TRHDE: variants seen among roughly 807,000 people sequenced by gnomAD.
The protein encoded by TRHDE is thyrotropin releasing hormone degrading enzyme, also known as thyrotropin-releasing hormone-degrading ectoenzyme.
A neutral mutation model predicts 125.7 loss-of-function variants in TRHDE; 72 were observed. The ratio of observed to expected loss-of-function variants is 0.57; its 90% CI spans 0.47 to 0.70. TRHDE has a LOEUF of 0.70. TRHDE is among the 30% of genes least tolerant of loss of function. TRHDE has a pLI of 0.00. For missense variants in TRHDE, 1,110 were observed against 1,327.1 expected, an observed-to-expected ratio of 0.84 and a Z score of 2.54; for synonymous variants, 509 against 509.1, an observed-to-expected ratio of 1.00 and a Z score of 0.00.
chr12:72,098,340 A>G (rs1289622368), intron 1 of TRHDE, among the ~76,000 whole-genome samples: 1 of 152,160 alleles, frequency 6.6e-6, no homozygotes, highest in African/African-American at 2.4e-5. Flanking sequence ...AAATCTTGCA[A>G]AACTCTAGTA....
rs549142533 is a variant in TRHDE, at chr12:72,590,724, G to A, written c.2321+15182G>A. On this transcript the variant is annotated intron_variant, in intron 12 of 18. Transcript: ENST00000261180. Reference sequence around the variant, plus strand: ...ATCTCTGTATCTTTACACTCAAAATGCATGTTTATACAGCTTATAATTTAA... The same window carrying A: ...ATCTCTGTATCTTTACACTCAAAATACATGTTTATACAGCTTATAATTTAA... Among the ~76,000 whole-genome samples, 9 of 152,174 alleles carry A rather than the reference G, an allele frequency of 5.9e-5. No individual in the cohort carries two copies. The South Asian group carries it at 1.9e-3, about 32-fold the overall frequency.
intron 2 of TRHDE, among the ~76,000 whole-genome samples, chr12:72,216,695 CCAAA>C (rs537482609): frequency 3.0e-3 from 456 of 152,214 alleles, no homozygotes; most frequent in African/African-American, 0.01. Context: ...TGTTGTGTCA[CCAAA>C]CAAATATCAT....
rs1198685598 is a variant in TRHDE at position 72,383,717 on chromosome 12, G to GTTT, written c.1315+5610_1315+5612dup. The stretch of plus-strand genomic sequence containing the variant: ...ATTGCAGCTTTTTCTGGTAATTTCT[G>GTTT]TTTTTTTTTTTTTTTTCATTTTCCA... On this transcript the variant is annotated intron_variant, in intron 3 of 18. Transcript: ENST00000261180. Among the ~76,000 whole-genome samples the GTTT allele has an allele frequency of 5.8e-5, 7 of 120,720 alleles. No homozygotes were observed. The South Asian group carries it at 1.1e-3, about 19-fold the overall frequency. 79.2% of individuals were successfully genotyped at this position (120,720 alleles called of 152,430 possible). A position where few individuals can be genotyped will look rare whatever the true frequency, so the allele number is the denominator to read the frequency against.
chr12:72,152,820 G>A (rs1471239540), intron 2 of TRHDE, among the ~76,000 whole-genome samples: 2 of 152,092 alleles, frequency 1.3e-5, no homozygotes, highest in East Asian at 1.9e-4. Flanking sequence ...GAGGATTTTT[G>A]CATCAATGTT....
chr12:72,131,379 A>T (rs1379769862), intron 2 of TRHDE, among the ~76,000 whole-genome samples: 2 of 151,988 alleles, frequency 1.3e-5, no homozygotes, highest in South Asian at 2.1e-4. Context: ...GCCTCTACTT[A>T]ATGTATTTTA....
At chr12:72,528,173 T>C (rs954451668) in intron 6 of TRHDE, among the ~76,000 whole-genome samples, 2 of 152,236 alleles carry the variant, frequency 1.3e-5, no homozygotes, top group Non-Finnish European at 2.9e-5. Context: ...TAATTTGTAA[T>C]AATTCTGTTA....
intron 4 of TRHDE, among the ~76,000 whole-genome samples, chr12:72,472,011 C>G (rs965279079): frequency 1.3e-5 from 2 of 152,188 alleles, no homozygotes; most frequent in Non-Finnish European, 2.9e-5. Context: ...TTCTCCTTCC[C>G]AAGCCTTTCT....
intron 9 of TRHDE, among the ~76,000 whole-genome samples, chr12:72,566,329 A>C (rs968336748): frequency 1.3e-5 from 2 of 151,472 alleles, no homozygotes; most frequent in Non-Finnish European, 3.0e-5. Context: ...TTTTTTTTTT[A>C]AGTTTTAAAA....
At chr12:72,570,848 C>A (rs1338378709) in intron 10 of TRHDE, among the ~76,000 whole-genome samples, 1 of 152,164 alleles carries the variant, frequency 6.6e-6, no homozygotes, top group Non-Finnish European at 1.5e-5. Context: ...CAGGCCCTCA[C>A]CCCAAAGTTG....
intron 6 of TRHDE, among the ~76,000 whole-genome samples, chr12:72,539,836 T>C (rs1218745249): frequency 1.3e-5 from 2 of 151,812 alleles, no homozygotes; most frequent in Non-Finnish European, 2.9e-5. Context: ...AATTATTAAA[T>C]CTTGCAGAAA....
chr12:72,362,339 T>C (rs1440828631), intron 2 of TRHDE, among the ~76,000 whole-genome samples: 5 of 150,066 alleles, frequency 3.3e-5, no homozygotes, highest in East Asian at 2.0e-4. Flanking sequence ...TTTCATGTGT[T>C]TTTTGGCTGC....
At chr12:72,357,825 T>C (rs1870889931) in intron 2 of TRHDE, among the ~76,000 whole-genome samples, 1 of 151,636 alleles carries the variant, frequency 6.6e-6, no homozygotes, top group South Asian at 2.1e-4. Context: ...TACAACATCA[T>C]GTATACCTTA....
intron 1 of TRHDE, among the ~76,000 whole-genome samples, chr12:72,286,090 A>G (rs553845268): frequency 3.0e-4 from 45 of 152,224 alleles, no homozygotes; most frequent in Non-Finnish European, 5.1e-4. Flanking sequence ...AGCAATGACC[A>G]ACTACATCTT....
At chr12:72,364,985 G>A (rs1243069375) in intron 2 of TRHDE, among the ~76,000 whole-genome samples, 1 of 152,074 alleles carries the variant, frequency 6.6e-6, no homozygotes. Flanking sequence ...CTACAAAAGA[G>A]GTAGTCTGTT....
chr12:72,430,424 C>T (rs1592438885), intron 3 of TRHDE, among the ~76,000 whole-genome samples: 1 of 144,322 alleles, frequency 6.9e-6, no homozygotes, highest in African/African-American at 2.6e-5. Flanking sequence ...CATATATATA[C>T]ATGTATATAT....
At chr12:72,545,696 G>C in intron 7 of TRHDE, among the ~76,000 whole-genome samples, 1 of 151,628 alleles carries the variant, frequency 6.6e-6, no homozygotes, top group Non-Finnish European at 1.5e-5. Flanking sequence ...GGGAGTTTTT[G>C]CTGGTAATAG....
chr12:72,327,533 G>A (rs1036070938), intron 2 of TRHDE, among the ~76,000 whole-genome samples: 13 of 152,088 alleles, frequency 8.5e-5, no homozygotes, highest in Admixed American at 4.6e-4. Context: ...CAAACTGACC[G>A]TAGAGATTTA....
At chr12:72,594,378 C>A (rs1240563885) in intron 12 of TRHDE, among the ~76,000 whole-genome samples, 1 of 151,724 alleles carries the variant, frequency 6.6e-6, no homozygotes, top group Non-Finnish European at 1.5e-5. Flanking sequence ...TCCACCATGC[C>A]CGGCTAATTT....
intron 1 of TRHDE, among the ~76,000 whole-genome samples, chr12:72,100,709 C>T (rs1351276036): frequency 2.6e-5 from 4 of 152,198 alleles, no homozygotes. Context: ...CTCTCTTTCT[C>T]CTGGCTGTAC....
Sources: allele counts gnomAD v4.1 joint callset (sites outside exome capture counted in the v4.1 genomes callset), GRCh38; gene constraint gnomAD v4.1.1; transcripts MANE v1.5; gene names NCBI Gene and HGNC (gene_info 2026-07-23, HGNC 2026-07-21).